Variants in ATG5 observed in about 807,000 individuals in gnomAD.
ATG5 encodes autophagy related 5.
Under a neutral mutation model 36.5 loss-of-function variants are expected in ATG5, and 14 were observed. The ratio of observed to expected loss-of-function variants is 0.38; its 90% confidence interval spans 0.25 to 0.60. The LOEUF is 0.60. ATG5 is among the 20% of genes least tolerant of loss of function. The pLI is 0.60. For missense variants in ATG5, 195 were observed against 326.7 expected (o/e 0.60, Z 3.11); for synonymous variants, 95 against 101.5 (o/e 0.94, Z 0.38).
rs1209387079 is a variant in ATG5 at position 106,202,005 on chromosome 6, T to TGAGGAGATCTCCTA, written c.644_657dup (p.Lys220Ter). 6.2e-7 allele frequency: 1 copy of TGAGGAGATCTCCTA among 1,613,180 alleles called. No individual in the cohort carries two copies. Among genetic ancestry groups the TGAGGAGATCTCCTA allele is most frequent in the Non-Finnish European group, 8.5e-7 (1 of 1,179,496 alleles). On this transcript the variant is annotated stop_gained and frameshift_variant, in exon 7 of 8. Transcript: ENST00000369076. LOFTEE classifies it high-confidence loss of function. ...TCAATAGCAGAAGGACAAACTTCTTTGAGGAGATCTCCTAGTGTGTGCAAC... is the reference window on the plus strand; with the variant it reads ...TCAATAGCAGAAGGACAAACTTCTTTGAGGAGATCTCCTAGAGGAGATCTCCTAGTGTGTGCAAC...
chr6:106,275,929 A>C (rs1322870707), intron 5 of ATG5, among the ~76,000 whole-genome samples: 1 of 152,232 alleles, frequency 6.6e-6, no homozygotes, highest in Non-Finnish European at 1.5e-5. Context: ...AGCCAACGAC[A>C]ATACATAAGT....
At chr6:106,319,093 C>G (rs1770968665) in intron 1 of ATG5, among the ~76,000 whole-genome samples, 2 of 152,178 alleles carry the variant, frequency 1.3e-5, no homozygotes, top group African/African-American at 4.8e-5. Flanking sequence ...TTCTCTATTT[C>G]TGTTTTCTCA....
At chr6:106,317,939 C>A (rs1227072844) in intron 1 of ATG5, among the ~76,000 whole-genome samples, 1 of 152,208 alleles carries the variant, frequency 6.6e-6, no homozygotes, top group Non-Finnish European at 1.5e-5. Flanking sequence ...GCAGTTGTTT[C>A]TGCAGCCATG....
At chr6:106,225,094 T>A (rs1049338473) in intron 6 of ATG5, among the ~76,000 whole-genome samples, 2 of 152,262 alleles carry the variant, frequency 1.3e-5, no homozygotes, top group Admixed American at 1.3e-4. Flanking sequence ...CAATTTAATT[T>A]ATTATGTGCC....
chr6:106,310,312 G>A (rs534606415), intron 2 of ATG5, among the ~76,000 whole-genome samples: 16 of 152,166 alleles, frequency 1.1e-4, no homozygotes, highest in African/African-American at 3.4e-4. Flanking sequence ...TTTCTGTTCC[G>A]TTTGGCCTGT....
intron 5 of ATG5, among the ~76,000 whole-genome samples, chr6:106,274,643 C>A (rs1779575952): frequency 6.6e-6 from 1 of 152,084 alleles, no homozygotes; most frequent in African/African-American, 2.4e-5. Context: ...TACATAAAAT[C>A]CAATTCCATA....
intron 6 of ATG5, 199 bp from the exon 7 acceptor site, chr6:106,202,288 C>CA: frequency 2.2e-6 from 1 of 454,516 alleles, no homozygotes; most frequent in South Asian, 3.6e-5. Context: ...TCTGAGGAAA[C>CA]AGACAAATCC....
chr6:106,292,988 T>C, intron 4 of ATG5, 40 bp downstream of exon 4: 1 of 1,487,596 alleles, frequency 6.7e-7, no homozygotes, highest in Non-Finnish European at 9.3e-7. Flanking sequence ...ATTTATTATG[T>C]ATCACAAATG....
chr6:106,214,306 A>G (rs984375165), intron 6 of ATG5, among the ~76,000 whole-genome samples: 26 of 152,202 alleles, frequency 1.7e-4, no homozygotes, highest in Middle Eastern at 3.4e-3. Context: ...TGGTAGAAAG[A>G]GGGGGAACAG....
intron 7 of ATG5, among the ~76,000 whole-genome samples, chr6:106,189,914 G>C (rs1775906845): frequency 6.6e-6 from 1 of 152,004 alleles, no homozygotes; most frequent in South Asian, 2.1e-4. Context: ...AAGTGAACTA[G>C]TTCTATATGA....
At chr6:106,250,136 T>C (rs975414652) in intron 5 of ATG5, among the ~76,000 whole-genome samples, 1 of 152,048 alleles carries the variant, frequency 6.6e-6, no homozygotes, top group Non-Finnish European at 1.5e-5. Context: ...CTTATCTCTA[T>C]AAAGCAAGGA....
intron 6 of ATG5, 138 bp downstream of exon 6, chr6:106,248,012 A>C (rs1272925785): frequency 2.4e-5 from 14 of 590,948 alleles, no homozygotes; most frequent in Non-Finnish European, 3.5e-5. Flanking sequence ...CTTGATTGCC[A>C]CTGAAAGACA....
chr6:106,243,931 T>A (rs9373841), intron 6 of ATG5, among the ~76,000 whole-genome samples: 7,410 of 51,336 alleles, frequency 0.14, 324 homozygotes, highest in South Asian at 0.28. Flanking sequence ...TTTTTTTTTT[T>A]AAAGATAGGG....
chr6:106,292,578 T>A (rs1480073534), intron 4 of ATG5, among the ~76,000 whole-genome samples: 1 of 152,208 alleles, frequency 6.6e-6, no homozygotes. Flanking sequence ...TACTTCCATA[T>A]CCACATCTAC....
chr6:106,188,922 G>A (rs1031413688), intron 7 of ATG5, among the ~76,000 whole-genome samples: 14 of 152,022 alleles, frequency 9.2e-5, no homozygotes, highest in African/African-American at 3.4e-4. Flanking sequence ...TTTATTTTCT[G>A]ACTTGCCTCA....
chr6:106,250,255 T>C (rs866746798), intron 5 of ATG5, among the ~76,000 whole-genome samples: 9 of 151,528 alleles, frequency 5.9e-5, no homozygotes, highest in African/African-American at 2.2e-4. Context: ...TAACTGTATA[T>C]TTTTAAAAAA....
At position 106,259,643 on chromosome 6, in the gene ATG5, G is replaced by A. The variant is rs979748507; in HGVS notation, c.479-11399C>T. ...CTGCTCCTTTCTTACATTCTAGGTA[G>A]ACAAATATTAATCCTTTTTCATCTT... is the stretch of plus-strand genomic sequence containing the variant. On this transcript the variant is annotated intron_variant, in intron 5 of 7. Transcript: ENST00000369076. 2.0e-5 allele frequency among the ~76,000 whole-genome samples: 3 copies of A among 151,884 alleles called. 1 individual carries two copies. Among genetic ancestry groups the A allele is most frequent in the Non-Finnish European group, 4.4e-5 (3 of 67,922 alleles).
At chr6:106,230,295 C>T (rs994699712) in intron 6 of ATG5, among the ~76,000 whole-genome samples, 3 of 152,186 alleles carry the variant, frequency 2.0e-5, no homozygotes, top group Admixed American at 6.5e-5. Context: ...CTCTCTGAAA[C>T]GAATTTGCCT....
intron 4 of ATG5, among the ~76,000 whole-genome samples, chr6:106,288,673 G>T (rs745569063): frequency 1.1e-4 from 17 of 152,176 alleles, no homozygotes; most frequent in Non-Finnish European, 2.4e-4. Context: ...CTATGCACTT[G>T]TAAGAAATGC....
Sources: allele counts gnomAD v4.1 joint callset (sites outside exome capture counted in the v4.1 genomes callset), GRCh38; gene constraint gnomAD v4.1.1; transcripts MANE v1.5; gene names NCBI Gene and HGNC (gene_info 2026-07-23, HGNC 2026-07-21).